Variants in PIK3C3 observed in about 807,000 individuals in gnomAD.
PIK3C3 encodes phosphatidylinositol 3-kinase catalytic subunit type 3.
PIK3C3 carries 95 observed loss-of-function variants against 126.1 expected under a neutral mutation model. The observed-to-expected ratio is 0.75, with a 90% CI of 0.64 to 0.89. The LOEUF is 0.89. PIK3C3 is among the 40% of genes least tolerant of loss of function. The probability of loss-of-function intolerance (pLI) is 0.00; values close to 1 mark genes in which losing one functional copy is unlikely to be tolerated. For synonymous variants in PIK3C3, 374 were observed against 360.0 expected (o/e 1.04, Z -0.44); for missense variants, 829 against 1,063.2 (o/e 0.78, Z 3.06).
intron 16 of PIK3C3, among the ~76,000 whole-genome samples, chr18:42,037,263 T>G (rs1984097423): frequency 6.6e-6 from 1 of 152,178 alleles, no homozygotes; most frequent in African/African-American, 2.4e-5. Flanking sequence ...CCTCTAAAAA[T>G]AAAAAATGAT....
At chr18:42,027,623 C>T in intron 14 of PIK3C3, 75 bp downstream of exon 14, 2 of 696,938 alleles carry the variant, frequency 2.9e-6, no homozygotes, top group South Asian at 2.0e-5. Context: ...TTAGGAACAT[C>T]CCATGAGCTA....
At chr18:42,025,792 T>G (rs896553199) in intron 13 of PIK3C3, 1 of 152,194 alleles carries the variant, frequency 6.6e-6, no homozygotes, top group Non-Finnish European at 1.5e-5. Context: ...TGAATATGTA[T>G]TTATATTTGA....
At chr18:42,001,284 TCAC>T (rs1262021363) in intron 9 of PIK3C3, among the ~76,000 whole-genome samples, 1 of 152,242 alleles carries the variant, frequency 6.6e-6, no homozygotes, top group Non-Finnish European at 1.5e-5. Context: ...AACTTAGTCT[TCAC>T]CACAAGCCTA....
intron 20 of PIK3C3, among the ~76,000 whole-genome samples, chr18:42,046,748 TTTG>T (rs1984575609): frequency 6.6e-6 from 1 of 152,138 alleles, no homozygotes; most frequent in Non-Finnish European, 1.5e-5. Flanking sequence ...CCTCAAATGT[TTTG>T]TTGTTATTTT....
intron 11 of PIK3C3, 47 bp from the exon 12 acceptor site, chr18:42,015,429 G>A (rs1235591027): frequency 2.1e-6 from 3 of 1,435,392 alleles, no homozygotes; most frequent in Admixed American, 1.7e-5. Flanking sequence ...GTTCTCTTAT[G>A]GACAGAGTAT....
chr18:41,981,097 T>G (rs1192035232), intron 4 of PIK3C3, among the ~76,000 whole-genome samples: 1 of 152,216 alleles, frequency 6.6e-6, no homozygotes, highest in East Asian at 1.9e-4. Context: ...AAACATATCT[T>G]ATTGCTTTGA....
At chr18:42,035,227 A>G (rs1378110109) in intron 16 of PIK3C3, among the ~76,000 whole-genome samples, 1 of 152,200 alleles carries the variant, frequency 6.6e-6, no homozygotes, top group East Asian at 1.9e-4. Flanking sequence ...GCACAAGGTA[A>G]TATACATATA....
chr18:41,956,017 T>C (rs1979753511), intron 1 of PIK3C3, among the ~76,000 whole-genome samples: 1 of 144,366 alleles, frequency 6.9e-6, no homozygotes, highest in Admixed American at 7.3e-5. Flanking sequence ...GAGATGAGGA[T>C]AATAGAACTG....
chr18:41,989,998 C>T (rs2144352401), intron 5 of PIK3C3, among the ~76,000 whole-genome samples: 2 of 152,186 alleles, frequency 1.3e-5, no homozygotes, highest in Non-Finnish European at 2.9e-5. Context: ...ACTCAAATGG[C>T]CTCTGTTCTT....
At chr18:41,995,508 A>G (rs1225346107) in intron 7 of PIK3C3, among the ~76,000 whole-genome samples, 1 of 152,190 alleles carries the variant, frequency 6.6e-6, no homozygotes, top group East Asian at 1.9e-4. Flanking sequence ...ATGATAATAC[A>G]GTGACATCAC....
At chr18:42,023,795 AT>A (rs370493716) in intron 13 of PIK3C3, among the ~76,000 whole-genome samples, 3 of 152,390 alleles carry the variant, frequency 2.0e-5, no homozygotes, top group African/African-American at 7.2e-5. Flanking sequence ...CTACTCTATT[AT>A]AACAAATGTA....
chr18:42,061,410 C>T (rs1180380455), intron 22 of PIK3C3, among the ~76,000 whole-genome samples: 1 of 152,092 alleles, frequency 6.6e-6, no homozygotes, highest in African/African-American at 2.4e-5. Flanking sequence ...TGGTGAAACC[C>T]TGTCTCTACT....
Position 41,957,732 on chromosome 18 carries a change from C to T in PIK3C3, c.231C>T (p.Ser77=). 6.2e-7 allele frequency: 1 copy of T among 1,612,932 alleles called. No homozygotes were observed. Among genetic ancestry groups the T allele is most frequent in the South Asian group, 1.1e-5 (1 of 91,014 alleles). Residue 77 remains serine (S), a synonymous_variant, in exon 2 of 25, where the codon TCC becomes TCT. Coordinates refer to ENST00000262039, the MANE Select transcript of PIK3C3 (RefSeq NM_002647.4). The part of the protein sequence containing the change: ...GKPLALPVRT[S]YKAFSTRWNW... Reference sequence around the variant, plus strand: ...CTTTGGCCTTGCCAGTGAGAACATCCTACAAAGCATTTAGTACAAGATGGA... The same window carrying T: ...CTTTGGCCTTGCCAGTGAGAACATCTTACAAAGCATTTAGTACAAGATGGA...
At chr18:42,020,754 AT>A (rs1279748122) in intron 13 of PIK3C3, 49 bp downstream of exon 13, 1 of 997,278 alleles carries the variant, frequency 1.0e-6, no homozygotes, top group Non-Finnish European at 1.5e-6. Flanking sequence ...CTTAAGAATT[AT>A]TTTTTCTCAT....
At chr18:42,037,655 C>T (rs780931245) in intron 16 of PIK3C3, 37 bp from the exon 17 acceptor site, 3 of 1,583,040 alleles carry the variant, frequency 1.9e-6, no homozygotes, top group East Asian at 2.2e-5. Context: ...TGCATTAATT[C>T]ATGGCCAAAT....
rs532125712 is a variant in PIK3C3, at chr18:41,968,328, G to A, written c.402-1999G>A. On this transcript the variant is annotated intron_variant, in intron 3 of 24. Coordinates refer to ENST00000262039, the MANE Select transcript of PIK3C3 (RefSeq NM_002647.4). ...ATCTCACTGTACGTAGTTCCTTAGAGACTGCTCTAAGCAGGCCTGCTTAAT... is the reference window on the plus strand; with the variant it reads ...ATCTCACTGTACGTAGTTCCTTAGAAACTGCTCTAAGCAGGCCTGCTTAAT... Among the ~76,000 whole-genome samples, 31 of 152,286 alleles carry A rather than the reference G, an allele frequency of 2.0e-4. No individual in the cohort carries two copies. In the South Asian group the frequency reaches 6.4e-3, roughly 32 times the overall value.
chr18:42,076,124 G>A (rs12956153), intron 24 of PIK3C3, among the ~76,000 whole-genome samples: 35,133 of 66,564 alleles, frequency 0.53, 8,034 homozygotes, highest in East Asian at 0.69. Context: ...ATATATATGC[G>A]CATATATATA....
intron 13 of PIK3C3, among the ~76,000 whole-genome samples, chr18:42,024,380 G>A (rs1983458223): frequency 6.6e-6 from 1 of 151,818 alleles, no homozygotes. Context: ...GGAGATGACA[G>A]TGTCACTTTT....
At chr18:41,991,243 G>A (rs1042595317) in intron 6 of PIK3C3, among the ~76,000 whole-genome samples, 2 of 152,096 alleles carry the variant, frequency 1.3e-5, no homozygotes, top group African/African-American at 4.8e-5. Flanking sequence ...TTGTATGCAG[G>A]CCAGGTGTGG....
Sources: allele counts gnomAD v4.1 joint callset (sites outside exome capture counted in the v4.1 genomes callset), GRCh38; gene constraint gnomAD v4.1.1; transcripts MANE v1.5; gene names NCBI Gene and HGNC (gene_info 2026-07-23, HGNC 2026-07-21).